OR2C1: variants seen among roughly 807,000 people sequenced by gnomAD.
OR2C1 encodes the protein olfactory receptor 2C1.
For synonymous variants in OR2C1, 209 were observed against 167.3 expected, an observed-to-expected ratio of 1.25 and a Z score of -1.92; for missense variants, 468 against 388.3, an observed-to-expected ratio of 1.21 and a Z score of -1.73.
chr16:3,350,084 G>C, the OR2C1 span, among the ~76,000 whole-genome samples: 1 of 131,334 alleles, frequency 7.6e-6, no homozygotes, highest in African/African-American at 2.8e-5. Context: ...TTGAGGTGGA[G>C]TCTCTCTGTC....
chr16:3,325,504 T>TATATAC, the OR2C1 span, among the ~76,000 whole-genome samples: 6 of 124,578 alleles, frequency 4.8e-5, no homozygotes, highest in Admixed American at 8.5e-5. Flanking sequence ...TATATATATA[T>TATATAC]ACACTTTAAA....
the OR2C1 span, among the ~76,000 whole-genome samples, chr16:3,338,136 G>A: frequency 2.0e-5 from 3 of 152,310 alleles, 1 homozygote; most frequent in South Asian, 6.2e-4. Context: ...CAGAGCACCC[G>A]TGGAATGCAC....
chr16:3,353,459 C>A (rs1166542902), upstream of OR2C1, among the ~76,000 whole-genome samples: 3 of 139,732 alleles, frequency 2.1e-5, no homozygotes, highest in East Asian at 6.5e-4. Flanking sequence ...CCACTGCACT[C>A]CAGCCTGGTG....
the OR2C1 span, among the ~76,000 whole-genome samples, chr16:3,340,895 C>G: frequency 1.3e-5 from 2 of 151,794 alleles, no homozygotes; most frequent in Admixed American, 6.6e-5. Flanking sequence ...TGTGACTCCT[C>G]CCACTTTGTT....
At chr16:3,353,786 G>A (rs1416932937), upstream of OR2C1, among the ~76,000 whole-genome samples, 1 of 151,784 alleles carries the variant, frequency 6.6e-6, no homozygotes, top group African/African-American at 2.4e-5. Context: ...GGGTGACACT[G>A]CTAGACTCCA....
At chr16:3,349,510 G>C in the OR2C1 span, among the ~76,000 whole-genome samples, 1 of 152,156 alleles carries the variant, frequency 6.6e-6, no homozygotes, top group East Asian at 1.9e-4. Context: ...CCTCCCTCTC[G>C]GTCCCATGCC....
chr16:3,338,997 G>A, the OR2C1 span, among the ~76,000 whole-genome samples: 2 of 152,074 alleles, frequency 1.3e-5, no homozygotes, highest in Non-Finnish European at 2.9e-5. Flanking sequence ...TTATTTGTTA[G>A]GTAATTAACT....
At chr16:3,340,755 G>A in the OR2C1 span, among the ~76,000 whole-genome samples, 3 of 152,130 alleles carry the variant, frequency 2.0e-5, no homozygotes, top group Non-Finnish European at 4.4e-5. Context: ...TCCATAGGGG[G>A]TTATTTATGG....
At chr16:3,328,674 C>G in the OR2C1 span, among the ~76,000 whole-genome samples, 4 of 152,200 alleles carry the variant, frequency 2.6e-5, no homozygotes, top group Non-Finnish European at 5.9e-5. Flanking sequence ...CACCCTCCCT[C>G]TCCTTATCCC....
the OR2C1 span, among the ~76,000 whole-genome samples, chr16:3,324,871 A>G: frequency 6.6e-6 from 1 of 152,240 alleles, no homozygotes; most frequent in Non-Finnish European, 1.5e-5. Context: ...AATAACATGA[A>G]TATCAGAATG....
upstream of OR2C1, among the ~76,000 whole-genome samples, chr16:3,352,267 C>T (rs1375232381): frequency 6.6e-6 from 1 of 151,832 alleles, no homozygotes; most frequent in African/African-American, 2.4e-5. Context: ...CAGGCGCCCA[C>T]CACCACGCCC....
chr16:3,327,290 A>G, the OR2C1 span, among the ~76,000 whole-genome samples: 1 of 152,024 alleles, frequency 6.6e-6, no homozygotes, highest in Non-Finnish European at 1.5e-5. Context: ...GAGTATTTTA[A>G]AGTAAATCTC....
the OR2C1 span, among the ~76,000 whole-genome samples, chr16:3,332,564 A>C: frequency 2.0e-5 from 3 of 151,860 alleles, no homozygotes; most frequent in Admixed American, 6.6e-5. Context: ...CATGAGATTC[A>C]CTTTATCAGC....
the OR2C1 span, among the ~76,000 whole-genome samples, chr16:3,338,599 G>A: frequency 1.9e-4 from 28 of 147,296 alleles, no homozygotes; most frequent in African/African-American, 6.4e-4. Context: ...GTGCAGTGGC[G>A]CGCTCTCGGC....
the OR2C1 span, among the ~76,000 whole-genome samples, chr16:3,332,787 G>A: frequency 1.3e-5 from 2 of 151,510 alleles, no homozygotes; most frequent in Non-Finnish European, 2.9e-5. Flanking sequence ...ATTGATGGAC[G>A]CTTAGGTCGG....
chr16:3,323,108 A>T, the OR2C1 span: 1 of 546,752 alleles, frequency 1.8e-6, no homozygotes, highest in South Asian at 2.1e-5. Context: ...AAGATACTTG[A>T]TAAAAAAAAT....
At chr16:3,354,097 C>T (rs1036806520), upstream of OR2C1, among the ~76,000 whole-genome samples, 2 of 151,714 alleles carry the variant, frequency 1.3e-5, no homozygotes, top group African/African-American at 4.8e-5. Context: ...GTTTCTGCTG[C>T]CTCAGCCTCC....
the OR2C1 span, among the ~76,000 whole-genome samples, chr16:3,324,686 C>T: frequency 1.3e-5 from 2 of 152,158 alleles, no homozygotes; most frequent in Admixed American, 1.3e-4. Flanking sequence ...CTCCTGGACT[C>T]AAGTGATCCT....
chr16:3,337,814 C>G, the OR2C1 span, among the ~76,000 whole-genome samples: 3 of 124,748 alleles, frequency 2.4e-5, no homozygotes, highest in African/African-American at 7.6e-5. Context: ...TTGTGGATGT[C>G]TGTCTGTCTT....
Sources: gnomAD v4.1 joint callset for allele counts (sites outside exome capture counted in the v4.1 genomes callset) on GRCh38, gnomAD v4.1.1 for gene constraint, MANE v1.5 for transcripts, NCBI Gene and HGNC (gene_info 2026-07-23, HGNC 2026-07-21) for gene names.